The following GNG4 variants were observed in gnomAD, a reference collection of about 807,000 sequenced individuals.
The protein encoded by GNG4 is guanine nucleotide-binding protein G(I)/G(S)/G(O) subunit gamma-4.
In GNG4, 4 loss-of-function variants were observed where a neutral mutation model predicts 5.8. The ratio of observed to expected loss-of-function variants is 0.69; its 90% CI spans 0.34 to 1.57. The LOEUF is 1.57. Among genes scored for constraint, GNG4 ranks in the 40% most tolerant of loss-of-function variants. The pLI is 0.06. For synonymous variants in GNG4, 29 were observed against 32.9 expected (o/e 0.88, Z 0.41); for missense variants, 96 against 95.1 (o/e 1.01, Z -0.04).
intron 1 of GNG4, among the ~76,000 whole-genome samples, chr1:235,616,873 G>T (rs1688601260): frequency 6.6e-6 from 1 of 150,846 alleles, no homozygotes; most frequent in Non-Finnish European, 1.5e-5. Context: ...CCAGTAGCAG[G>T]GATTACAGGC....
chr1:235,587,328 A>T (rs370705237), intron 2 of GNG4, among the ~76,000 whole-genome samples: 49 of 51,774 alleles, frequency 9.5e-4, no homozygotes, highest in African/African-American at 4.5e-3. Context: ...TGTGTGTGAG[A>T]GTGTGAGAGC....
rs79713325 is a variant in GNG4 at position 235,625,941 on chromosome 1, A to G, written c.-123+23721T>C. ...GTGAACATAAGTTTTCAACCCAGGAAAATTCCAAGGAGTGCAATTGCTATA... is the reference window on the plus strand; with the variant it reads ...GTGAACATAAGTTTTCAACCCAGGAGAATTCCAAGGAGTGCAATTGCTATA... On this transcript the variant is annotated intron_variant, in intron 1 of 3. Transcript: ENST00000391854. Among the ~76,000 whole-genome samples the G allele has an allele frequency of 9.1e-4, 138 of 152,322 alleles. 1 individual carries two copies. The East Asian group carries it at 0.023, about 26-fold the overall frequency.
chr1:235,633,492 A>C (rs1688974026), intron 1 of GNG4, among the ~76,000 whole-genome samples: 1 of 152,164 alleles, frequency 6.6e-6, no homozygotes, highest in Non-Finnish European at 1.5e-5. Context: ...AAAATTTAAA[A>C]AATTTTTATT....
At chr1:235,624,080 T>C (rs1688760749) in intron 1 of GNG4, among the ~76,000 whole-genome samples, 2 of 151,096 alleles carry the variant, frequency 1.3e-5, no homozygotes, top group African/African-American at 4.9e-5. Context: ...GATCATCTAG[T>C]ACTTCAGTCT....
At chr1:235,560,964 T>G (rs1441586361) in intron 3 of GNG4, among the ~76,000 whole-genome samples, 1 of 152,192 alleles carries the variant, frequency 6.6e-6, no homozygotes. Context: ...ACGCTTATTT[T>G]CCATTTGTAT....
At chr1:235,578,279 C>A (rs1461083445) in intron 3 of GNG4, among the ~76,000 whole-genome samples, 1 of 152,078 alleles carries the variant, frequency 6.6e-6, no homozygotes, top group Non-Finnish European at 1.5e-5. Flanking sequence ...CACAAGATGA[C>A]AAGTGTTGCT....
chr1:235,588,982 C>T (rs111409507), intron 2 of GNG4: 279 of 152,566 alleles, frequency 1.8e-3, no homozygotes, highest in African/African-American at 6.1e-3. Flanking sequence ...CAGGGGCTGA[C>T]AATGGCAGAC....
At chr1:235,614,150 T>C (rs936562095) in intron 1 of GNG4, among the ~76,000 whole-genome samples, 4 of 152,224 alleles carry the variant, frequency 2.6e-5, no homozygotes, top group Non-Finnish European at 4.4e-5. Context: ...TTTGGTTGTT[T>C]GTGTTTTCCA....
rs766272333 is a variant in GNG4, at chr1:235,547,853, C to G, written c.*4256G>C. 3 of 152,192 alleles carry G rather than the reference C, an allele frequency of 2.0e-5. No homozygotes were observed. The highest frequency in any genetic ancestry group is 2.1e-4 in the South Asian group (1 of 4,826). The allele number at this position is 152,192 out of a possible 1,614,324, so 9.4% of individuals were successfully genotyped here. On this transcript the variant is annotated 3_prime_UTR_variant, in exon 4 of 4. Coordinates refer to ENST00000391854, the MANE Select transcript of GNG4 (RefSeq NM_001098722.2). The stretch of plus-strand genomic sequence containing the variant: ...CAGAAGCACCACCTCATGCCCGCTT[C>G]TGGTTACTGTCTTCTTAGGACTGAT...
intron 2 of GNG4, among the ~76,000 whole-genome samples, chr1:235,584,953 A>G (rs2102942889): frequency 6.6e-6 from 1 of 152,354 alleles, no homozygotes; most frequent in South Asian, 2.1e-4. Flanking sequence ...AGCAGCAACC[A>G]TACTTTCAAA....
chr1:235,568,518 C>G lies in GNG4; in HGVS notation c.99+15222G>C, dbSNP rs778091530. Among the ~76,000 whole-genome samples the G allele has an allele frequency of 8.0e-4, 122 of 152,290 alleles. 1 individual carries two copies. The highest frequency in any genetic ancestry group is 1.1e-3 in the Non-Finnish European group (77 of 68,026). ...ATAAAATAAGTTTGCTAAAGAAAAG[C>G]AGCACATATTTGCATTACATTTAAA... is the stretch of plus-strand genomic sequence containing the variant. On this transcript the variant is annotated intron_variant, in intron 3 of 3. Transcript: ENST00000391854.
intron 1 of GNG4, among the ~76,000 whole-genome samples, chr1:235,605,968 C>T (rs1688351401): frequency 7.1e-6 from 1 of 140,216 alleles, no homozygotes; most frequent in African/African-American, 2.6e-5. Context: ...GGGGGTGGGT[C>T]TCACTGTGTT....
chr1:235,596,919 A>T (rs886769557), intron 1 of GNG4, among the ~76,000 whole-genome samples: 2 of 151,458 alleles, frequency 1.3e-5, no homozygotes, highest in Non-Finnish European at 2.9e-5. Context: ...TATTTTGTAG[A>T]GACGGAGTTT....
intron 3 of GNG4, among the ~76,000 whole-genome samples, chr1:235,572,019 A>T (rs1687355464): frequency 6.6e-6 from 1 of 151,634 alleles, no homozygotes; most frequent in Non-Finnish European, 1.5e-5. Flanking sequence ...AATTTTTAGT[A>T]GAGACAGGAT....
At position 235,599,192 on chromosome 1, in the gene GNG4, A is replaced by C. The variant is rs1253091552; in HGVS notation, c.-122-3681T>G. Among the ~76,000 whole-genome samples the C allele has an allele frequency of 2.6e-5, 4 of 152,300 alleles. No individual in the cohort carries two copies. In the East Asian group the frequency reaches 7.7e-4, roughly 29 times the overall value. On this transcript the variant is annotated intron_variant, in intron 1 of 3. Coordinates refer to ENST00000391854, the MANE Select transcript of GNG4 (RefSeq NM_001098722.2). ...GGGGAGGCTGCATGCTGCTACTCACAGCCTGGTGGGAGACATCAGCTTCAG... is the reference window on the plus strand; with the variant it reads ...GGGGAGGCTGCATGCTGCTACTCACCGCCTGGTGGGAGACATCAGCTTCAG...
intron 3 of GNG4, among the ~76,000 whole-genome samples, chr1:235,562,659 G>GAAAAAAAAAAAAAGAAAAAAAAAAAAAA (rs766199361): frequency 1.8e-4 from 9 of 51,274 alleles, no homozygotes; most frequent in Non-Finnish European, 2.4e-4. Flanking sequence ...AAAAAAAAAA[G>GAAAAAAAAAAAAAGAAAAAAAAAAAAAA]AAAAAAAAAA....
At chr1:235,643,031 G>A (rs1313459774) in intron 1 of GNG4, among the ~76,000 whole-genome samples, 2 of 152,120 alleles carry the variant, frequency 1.3e-5, no homozygotes, top group African/African-American at 2.4e-5. Flanking sequence ...CCCGACTGAC[G>A]CTGGGGCCGG....
chr1:235,587,670 C>G (rs1558486492), intron 2 of GNG4, among the ~76,000 whole-genome samples: 13 of 10,286 alleles, frequency 1.3e-3, no homozygotes, highest in South Asian at 3.4e-3. Flanking sequence ...GTGTGTGTGA[C>G]TGTGGGGTAT....
intron 3 of GNG4, among the ~76,000 whole-genome samples, chr1:235,570,394 CTT>C (rs11459490): frequency 1.9e-5 from 2 of 105,552 alleles, no homozygotes; most frequent in Non-Finnish European, 3.6e-5. Flanking sequence ...TTCACCTCTT[CTT>C]TTTTTTTTTT....
Sources: allele counts gnomAD v4.1 joint callset (sites outside exome capture counted in the v4.1 genomes callset), GRCh38; gene constraint gnomAD v4.1.1; transcripts MANE v1.5; gene names NCBI Gene and HGNC (gene_info 2026-07-23, HGNC 2026-07-21).